The following PCDH15 variants were observed in gnomAD, a reference collection of about 807,000 sequenced individuals.
The protein encoded by PCDH15 is protocadherin related 15.
A neutral mutation model predicts 178.5 loss-of-function variants in PCDH15; 129 were observed. The ratio of observed to expected loss-of-function variants is 0.72; its 90% confidence interval spans 0.63 to 0.84. The LOEUF is 0.84. Among genes scored for constraint, PCDH15 ranks in the 40% least tolerant of loss-of-function variants. The pLI, the probability that PCDH15 is intolerant of heterozygous loss-of-function variation, is 0.00. For missense variants in PCDH15, 2,230 were observed against 2,099.9 expected, an observed-to-expected ratio of 1.06 and a Z score of -1.21; for synonymous variants, 800 against 732.0, an observed-to-expected ratio of 1.09 and a Z score of -1.50.
chr10:54,799,007 A>G (rs1297073400), intron 1 of PCDH15, among the ~76,000 whole-genome samples: 1 of 152,094 alleles, frequency 6.6e-6, no homozygotes, highest in African/African-American at 2.4e-5. Context: ...TTTACATTTT[A>G]CTATTTTGAG....
At chr10:54,006,870 C>T (rs1468320150) in intron 20 of PCDH15, among the ~76,000 whole-genome samples, 1 of 152,108 alleles carries the variant, frequency 6.6e-6, no homozygotes, top group Admixed American at 6.6e-5. Flanking sequence ...TTTCACCCCT[C>T]CCTGCCTACT....
At chr10:55,361,639 G>A (rs1428731979) in intron 2 of PCDH15, among the ~76,000 whole-genome samples, 1 of 151,868 alleles carries the variant, frequency 6.6e-6, no homozygotes, top group Non-Finnish European at 1.5e-5. Flanking sequence ...TAATGTCTGT[G>A]GAAATGAAAT....
chr10:55,160,741 G>C (rs575081577), intron 2 of PCDH15, among the ~76,000 whole-genome samples: 5 of 152,030 alleles, frequency 3.3e-5, no homozygotes, highest in Admixed American at 3.3e-4. Flanking sequence ...TGCTACCATC[G>C]CCACCTCCTT....
chr10:55,090,529 AAGTCATAT>A (rs1842290319), intron 2 of PCDH15, among the ~76,000 whole-genome samples: 2 of 152,006 alleles, frequency 1.3e-5, no homozygotes, highest in South Asian at 4.1e-4. Flanking sequence ...GTGCACATTA[AAGTCATAT>A]AGACCTCCTT....
At chr10:54,684,873 A>T (rs983383774) in intron 1 of PCDH15, among the ~76,000 whole-genome samples, 1 of 152,022 alleles carries the variant, frequency 6.6e-6, no homozygotes, top group Non-Finnish European at 1.5e-5. Flanking sequence ...TATAAAATGC[A>T]TTTTTTAAAT....
At chr10:55,502,508 G>C (rs986456695) in intron 2 of PCDH15, among the ~76,000 whole-genome samples, 1 of 151,638 alleles carries the variant, frequency 6.6e-6, no homozygotes, top group Non-Finnish European at 1.5e-5. Flanking sequence ...TTTATTATCA[G>C]ATAAAAATAT....
chr10:55,185,490 T>G (rs1839771143), intron 1 of PCDH15, among the ~76,000 whole-genome samples: 1 of 151,776 alleles, frequency 6.6e-6, no homozygotes, highest in African/African-American at 2.4e-5. Flanking sequence ...TCTAGTAAGT[T>G]TTAGTTATCA....
At chr10:54,444,296 C>T (rs1589440562) in intron 3 of PCDH15, among the ~76,000 whole-genome samples, 4 of 151,624 alleles carry the variant, frequency 2.6e-5, no homozygotes. Context: ...TACATGATTC[C>T]GGGGAGGAGC....
At chr10:53,936,765 T>C (rs940732244) in intron 25 of PCDH15, among the ~76,000 whole-genome samples, 3 of 152,280 alleles carry the variant, frequency 2.0e-5, no homozygotes, top group African/African-American at 7.2e-5. Context: ...AATACTTCTT[T>C]AATGAATTAC....
intron 1 of PCDH15, among the ~76,000 whole-genome samples, chr10:54,790,269 C>T (rs1383236116): frequency 6.6e-6 from 1 of 151,708 alleles, no homozygotes; most frequent in Admixed American, 6.6e-5. Context: ...CATCTCAGTG[C>T]CCAGCCACTA....
chr10:55,176,022 G>A (rs996174163), intron 1 of PCDH15, among the ~76,000 whole-genome samples: 4 of 152,000 alleles, frequency 2.6e-5, no homozygotes, highest in South Asian at 2.1e-4. Context: ...CTCCCAAATA[G>A]TCAAGCAGGA....
intron 2 of PCDH15, among the ~76,000 whole-genome samples, chr10:55,531,494 C>T (rs1023890785): frequency 7.9e-5 from 12 of 151,966 alleles, no homozygotes; most frequent in Admixed American, 7.2e-4. Context: ...TCTCTGGAAG[C>T]AGAACCCCAA....
chr10:55,303,091 A>G (rs1843327792), intron 1 of PCDH15, among the ~76,000 whole-genome samples: 1 of 150,242 alleles, frequency 6.7e-6, no homozygotes, highest in East Asian at 1.9e-4. Flanking sequence ...TTTGAGATAT[A>G]TATATATATA....
intron 1 of PCDH15, among the ~76,000 whole-genome samples, chr10:55,298,021 C>T (rs1417364711): frequency 6.6e-6 from 1 of 152,058 alleles, no homozygotes; most frequent in Non-Finnish European, 1.5e-5. Flanking sequence ...TGAATTTGCT[C>T]CTGGTTTTTA....
intron 2 of PCDH15, among the ~76,000 whole-genome samples, chr10:55,566,641 C>A (rs574261281): frequency 6.6e-6 from 1 of 151,580 alleles, no homozygotes; most frequent in African/African-American, 2.4e-5. Flanking sequence ...TATACAATAA[C>A]AAAGAATAAT....
chr10:55,216,693 G>A (rs1412819713), intron 1 of PCDH15, among the ~76,000 whole-genome samples: 1 of 151,824 alleles, frequency 6.6e-6, no homozygotes, highest in Non-Finnish European at 1.5e-5. Flanking sequence ...ATTAAAACAT[G>A]TTGTACTCCA....
chr10:53,982,712 C>T (rs1450730205), intron 21 of PCDH15, among the ~76,000 whole-genome samples: 1 of 150,768 alleles, frequency 6.6e-6, no homozygotes, highest in Non-Finnish European at 1.5e-5. Flanking sequence ...GGAGATATAC[C>T]TAATGCTAAA....
At chr10:55,479,335 A>G (rs567590193) in intron 2 of PCDH15, among the ~76,000 whole-genome samples, 2 of 151,896 alleles carry the variant, frequency 1.3e-5, no homozygotes, top group South Asian at 4.1e-4. Flanking sequence ...AGATGATTCA[A>G]CATATGCAAA....
At chr10:54,276,904 C>A (rs1033628056) in intron 8 of PCDH15, among the ~76,000 whole-genome samples, 8 of 151,512 alleles carry the variant, frequency 5.3e-5, no homozygotes, top group African/African-American at 1.5e-4. Flanking sequence ...ATATGACTTT[C>A]TAGATAGGTA....
Sources: allele counts gnomAD v4.1 joint callset (sites outside exome capture counted in the v4.1 genomes callset), GRCh38; gene constraint gnomAD v4.1.1; transcripts MANE v1.5; gene names NCBI Gene and HGNC (gene_info 2026-07-23, HGNC 2026-07-21).